The following UBE4B variants were observed in gnomAD, a reference collection of about 807,000 sequenced individuals.
The protein encoded by UBE4B is ubiquitin conjugation factor E4 B.
In UBE4B, 27 loss-of-function variants were observed where a neutral mutation model predicts 148.1. The observed-to-expected ratio is 0.18, with a 90% confidence interval of 0.13 to 0.25. UBE4B has a LOEUF of 0.25. Ranked by LOEUF, UBE4B falls within the 10% of genes least tolerant of loss-of-function variation. The pLI is 1.00. For missense variants in UBE4B, 1,170 were observed against 1,662.4 expected, an observed-to-expected ratio of 0.70 and a Z score of 5.15; for synonymous variants, 596 against 619.3, an observed-to-expected ratio of 0.96 and a Z score of 0.56.
intron 1 of UBE4B, among the ~76,000 whole-genome samples, chr1:10,039,378 C>T (rs1046488368): frequency 4.6e-5 from 7 of 152,026 alleles, no homozygotes; most frequent in African/African-American, 1.7e-4. Flanking sequence ...GGGTGTGTGG[C>T]AGGTACCTGA....
In UBE4B at chr1:10,106,009, A is replaced by G. The variant is rs554385059; in HGVS notation, c.810-188A>G. On this transcript the variant is annotated intron_variant, in intron 6 of 27. Transcript: ENST00000343090. The surrounding 1 kb of genome is among the most constrained non-coding windows in gnomAD (Gnocchi z 4.2). ...ACATCATTCTTCGAATGGGGACTTT[A>G]TCGTCTTGTAAGTATAGCCTCTAGA... 6.6e-6 allele frequency among the ~76,000 whole-genome samples: 1 copy of G among 152,090 alleles called. No individual in the cohort carries two copies. The highest frequency in any genetic ancestry group is 1.5e-5 in the Non-Finnish European group (1 of 68,016).
chr1:10,055,082 G>A (rs563111810), intron 1 of UBE4B, among the ~76,000 whole-genome samples: 1 of 152,000 alleles, frequency 6.6e-6, no homozygotes, highest in Non-Finnish European at 1.5e-5. Flanking sequence ...CACCGCACCC[G>A]GCGTGTTTTT....
intron 8 of UBE4B, 85 bp from the exon 9 acceptor site, chr1:10,119,428 T>C (rs1428249557): frequency 3.0e-6 from 4 of 1,338,306 alleles, no homozygotes; most frequent in Non-Finnish European, 4.2e-6. Context: ...TTACTGATGG[T>C]CCATCCCTTT....
intron 25 of UBE4B, among the ~76,000 whole-genome samples, chr1:10,175,182 A>G (rs1052114426): frequency 5.3e-5 from 8 of 152,136 alleles, no homozygotes; most frequent in Non-Finnish European, 8.8e-5. Context: ...GGGATACCAC[A>G]TTGGTCCTGG....
rs1275130442 is a variant in UBE4B, at chr1:10,072,000, A to G, written c.25-28A>G. ...AATTGTGTTTCTGCTGATTAGTTAT[A>G]GAATGCCCTTTTCCCCTCATGTTGT... On this transcript the variant is annotated intron_variant, in intron 1 of 27. Coordinates refer to ENST00000343090, the MANE Select transcript of UBE4B (RefSeq NM_001105562.3). 1.9e-6 allele frequency: 3 copies of G among 1,548,884 alleles called. No homozygotes were observed. In the Admixed American group the frequency reaches 6.5e-5, roughly 34 times the overall value.
At chr1:10,172,819 T>G (rs1226754619) in intron 25 of UBE4B, among the ~76,000 whole-genome samples, 1 of 152,184 alleles carries the variant, frequency 6.6e-6, no homozygotes, top group Non-Finnish European at 1.5e-5. Context: ...ATGTGCTGTT[T>G]CTGTCGATGC....
At chr1:10,131,594 G>A (rs752132367) in intron 14 of UBE4B, among the ~76,000 whole-genome samples, 1 of 152,190 alleles carries the variant, frequency 6.6e-6, no homozygotes, top group Non-Finnish European at 1.5e-5. Context: ...TGCCGGCTGG[G>A]CGTGTTGGCT....
intron 1 of UBE4B, among the ~76,000 whole-genome samples, chr1:10,069,385 A>G (rs1644445700): frequency 6.6e-6 from 1 of 152,180 alleles, no homozygotes; most frequent in African/African-American, 2.4e-5. Context: ...TCTTGCTTTT[A>G]AGAAACTTCA....
intron 1 of UBE4B, among the ~76,000 whole-genome samples, chr1:10,045,384 G>C (rs986673041): frequency 2.6e-5 from 4 of 152,172 alleles, no homozygotes; most frequent in Non-Finnish European, 5.9e-5. Flanking sequence ...TTAGGTCAGA[G>C]ACACTCCACA....
Position 10,042,028 on chromosome 1 carries a change from G to C in UBE4B, c.24+8334G>C, listed in dbSNP as rs1037766288. Among the ~76,000 whole-genome samples, 4 of 152,250 alleles carry C rather than the reference G, an allele frequency of 2.6e-5. No homozygotes were observed. In the East Asian group the frequency reaches 7.7e-4, roughly 29 times the overall value. ...TGGCTCACTACAACCTCTGACTCCT[G>C]AATTCAAGCGATTCTCCTGGGTCAG... On this transcript the variant is annotated intron_variant, in intron 1 of 27. Transcript: ENST00000343090.
At chr1:10,064,118 A>G (rs1644339945) in intron 1 of UBE4B, among the ~76,000 whole-genome samples, 1 of 152,032 alleles carries the variant, frequency 6.6e-6, no homozygotes, top group Non-Finnish European at 1.5e-5. Flanking sequence ...CGTTCCCTAA[A>G]CAGTGTGTGT....
intron 20 of UBE4B, among the ~76,000 whole-genome samples, chr1:10,150,059 C>A (rs1403715255): frequency 1.3e-5 from 2 of 151,926 alleles, no homozygotes; most frequent in African/African-American, 2.4e-5. Context: ...AGGAAAAAAA[C>A]AAAATTAGTA....
chr1:10,179,297 C>G lies in UBE4B; in HGVS notation c.3701-119C>G, dbSNP rs573664627. 5.4e-4 allele frequency: 714 copies of G among 1,324,728 alleles called. 2 individuals are homozygous for G. The highest frequency in any genetic ancestry group is 6.6e-4 in the Non-Finnish European group (637 of 966,678). 82.1% of individuals were successfully genotyped at this position (1,324,728 alleles called of 1,614,324 possible). On this transcript the variant is annotated intron_variant, in intron 26 of 27. Transcript: ENST00000343090. Reference sequence around the variant, plus strand: ...TTTCCTTCTAAACCTGGGGGCCTCACAGGGGCCCTTTGATTGCTGTTCCTT... The same window carrying G: ...TTTCCTTCTAAACCTGGGGGCCTCAGAGGGGCCCTTTGATTGCTGTTCCTT...
intron 2 of UBE4B, among the ~76,000 whole-genome samples, chr1:10,088,531 A>G (rs1005048390): frequency 2.0e-5 from 3 of 151,940 alleles, no homozygotes; most frequent in African/African-American, 4.8e-5. Flanking sequence ...GCCCGCCACC[A>G]TGCCCAGCTA....
rs1316157828 is a variant in UBE4B at position 10,072,243 on chromosome 1, T to C, written c.211+29T>C. 2.0e-6 allele frequency: 3 copies of C among 1,480,292 alleles called. No homozygotes were observed. The African/African-American group carries it at 4.1e-5, about 20-fold the overall frequency. The allele number at this position is 1,480,292 out of a possible 1,614,324, so 91.7% of individuals were successfully genotyped here. A position where few individuals can be genotyped will look rare whatever the true frequency, so the allele number is the denominator to read the frequency against. Reference sequence around the variant, plus strand: ...AGCCCAAGCTTCATACCTGGGACTCTTTTGTAATTCTTCTTAGCTTTTTGT... The same window carrying C: ...AGCCCAAGCTTCATACCTGGGACTCCTTTGTAATTCTTCTTAGCTTTTTGT... On this transcript the variant is annotated intron_variant, in intron 2 of 27. Coordinates refer to ENST00000343090, the MANE Select transcript of UBE4B (RefSeq NM_001105562.3).
intron 1 of UBE4B, among the ~76,000 whole-genome samples, chr1:10,049,262 G>C (rs1236227904): frequency 6.6e-6 from 1 of 152,134 alleles, no homozygotes; most frequent in East Asian, 1.9e-4. Flanking sequence ...ACGAAGACCT[G>C]GTCTTTACCT....
intron 5 of UBE4B, among the ~76,000 whole-genome samples, chr1:10,104,851 G>A (rs1366744849): frequency 1.3e-5 from 2 of 152,086 alleles, no homozygotes; most frequent in Admixed American, 1.3e-4. Context: ...ACATGTAAGT[G>A]GCAATTTTAA....
intron 2 of UBE4B, among the ~76,000 whole-genome samples, chr1:10,087,907 CT>C (rs779361794): frequency 4.1e-4 from 63 of 152,290 alleles, no homozygotes; most frequent in Admixed American, 1.3e-3. Context: ...CCCTTCTCCC[CT>C]GCTATGTATT....
chr1:10,106,339 G>A lies in UBE4B; in HGVS notation c.952G>A (p.Gly318Arg), dbSNP rs549516957. Residue 318 changes from glycine to arginine, a missense_variant, in exon 7 of 28, where the codon GGA becomes AGA. This residue lies in a region of UBE4B where 214 missense variants were observed against 209.1 expected (regional missense o/e 1.02). Coordinates refer to ENST00000343090, the MANE Select transcript of UBE4B (RefSeq NM_001105562.3). The surrounding 1 kb of genome is among the most constrained non-coding windows in gnomAD (Gnocchi z 4.2). ...CCTCAGTCCTCACAGTGCAGCCTCT[G>A]GAACTGCTGCGGGAAGCCAGCCTTC... ...TPLSPHSAAS[G>R]TAAGSQPSSP... 6.2e-7 allele frequency: 1 copy of A among 1,614,000 alleles called. No individual in the cohort carries two copies. Among genetic ancestry groups the A allele is most frequent in the South Asian group, 1.1e-5 (1 of 91,084 alleles).
Sources: allele counts gnomAD v4.1 joint callset (sites outside exome capture counted in the v4.1 genomes callset), GRCh38; gene constraint gnomAD v4.1.1; regional missense constraint gnomAD v4.1.1; non-coding constraint Gnocchi (gnomAD v3.1); transcripts MANE v1.5; gene names NCBI Gene and HGNC (gene_info 2026-07-23, HGNC 2026-07-21).